The following NELL1 variants were observed in gnomAD, a reference collection of about 807,000 sequenced individuals.
NELL1 encodes the protein protein kinase C-binding protein NELL1.
NELL1 carries 76 observed loss-of-function variants against 107.4 expected under a neutral mutation model. The ratio of observed to expected loss-of-function variants is 0.71; its 90% CI spans 0.59 to 0.86. The LOEUF is 0.86. Ranked by LOEUF, NELL1 falls within the 40% of genes least tolerant of loss-of-function variation. NELL1 has a pLI of 0.00. For missense variants in NELL1, 1,024 were observed against 1,005.5 expected, an observed-to-expected ratio of 1.02 and a Z score of -0.25; for synonymous variants, 353 against 341.2, an observed-to-expected ratio of 1.03 and a Z score of -0.38.
chr11:21,379,607 A>C (rs1169333831), intron 15 of NELL1, among the ~76,000 whole-genome samples: 2 of 152,164 alleles, frequency 1.3e-5, no homozygotes, highest in African/African-American at 4.8e-5. Flanking sequence ...TTGTAATAAC[A>C]AATGATTTTT....
At chr11:20,682,617 C>T (rs1358366167) in intron 2 of NELL1, among the ~76,000 whole-genome samples, 1 of 151,914 alleles carries the variant, frequency 6.6e-6, no homozygotes, top group Non-Finnish European at 1.5e-5. Flanking sequence ...ACTGTGTATT[C>T]AAAATATACA....
chr11:20,960,565 G>A lies in NELL1; in HGVS notation c.1300+5G>A. ...GAGACTCTGCCTACTGTGAAGGTAA[G>A]TAAGCTATTTAATGAAGTCACTTGT... is the stretch of plus-strand genomic sequence containing the variant. On this transcript the variant is annotated splice_donor_5th_base_variant and intron_variant, in intron 12 of 19. Transcript: ENST00000357134. 6.2e-7 allele frequency: 1 copy of A among 1,613,780 alleles called. No individual in the cohort carries two copies. The highest frequency in any genetic ancestry group is 8.5e-7 in the Non-Finnish European group (1 of 1,179,752).
chr11:20,874,424 A>G (rs1849264687), intron 4 of NELL1, among the ~76,000 whole-genome samples: 2 of 152,208 alleles, frequency 1.3e-5, no homozygotes, highest in Admixed American at 1.3e-4. Flanking sequence ...GCATGGCAGA[A>G]GTTTACACCT....
Position 21,553,534 on chromosome 11 carries a change from A to C in NELL1, c.1787-6655A>C, listed in dbSNP as rs146480760. 4.6e-5 allele frequency among the ~76,000 whole-genome samples: 7 copies of C among 151,986 alleles called. No individual in the cohort carries two copies. The East Asian group carries it at 1.4e-3, about 30-fold the overall frequency. On this transcript the variant is annotated intron_variant, in intron 16 of 19. Coordinates refer to ENST00000357134, the MANE Select transcript of NELL1 (RefSeq NM_006157.5). Reference sequence around the variant, plus strand: ...TTACAAGCTCAGCCTTACAGAGGTGAAAAGTAATCATATCAAATTGGAAAT... The same window carrying C: ...TTACAAGCTCAGCCTTACAGAGGTGCAAAGTAATCATATCAAATTGGAAAT...
intron 15 of NELL1, among the ~76,000 whole-genome samples, chr11:21,455,320 C>CT (rs34607165): frequency 0.15 from 11,323 of 77,184 alleles, 904 homozygotes; most frequent in Non-Finnish European, 0.18. Flanking sequence ...TTCTTTTATT[C>CT]TTTTTTTTTT....
intron 13 of NELL1, among the ~76,000 whole-genome samples, chr11:21,214,528 A>T (rs1050078726): frequency 4.6e-5 from 7 of 152,174 alleles, no homozygotes; most frequent in Non-Finnish European, 1.0e-4. Context: ...TAAAACAAAA[A>T]ATAGTGACAA....
intron 2 of NELL1, among the ~76,000 whole-genome samples, chr11:20,717,434 C>T (rs1855278849): frequency 6.6e-6 from 1 of 152,054 alleles, no homozygotes. Flanking sequence ...CCTGGAAGAC[C>T]TCTTTGTCTT....
intron 13 of NELL1, among the ~76,000 whole-genome samples, chr11:21,204,763 G>T (rs140378293): frequency 6.6e-6 from 1 of 151,986 alleles, no homozygotes; most frequent in Admixed American, 6.6e-5. Context: ...ATCTACCTTT[G>T]TTCTTTGATG....
chr11:21,454,816 T>C (rs1440986084), intron 15 of NELL1, among the ~76,000 whole-genome samples: 5 of 152,240 alleles, frequency 3.3e-5, no homozygotes, highest in Admixed American at 3.3e-4. Flanking sequence ...GGGACACTAA[T>C]TTCACCATGG....
At chr11:21,423,799 G>A (rs1295351748) in intron 15 of NELL1, among the ~76,000 whole-genome samples, 1 of 152,186 alleles carries the variant, frequency 6.6e-6, no homozygotes. Flanking sequence ...ACAGGATGAA[G>A]TCAGAAATGA....
intron 16 of NELL1, among the ~76,000 whole-genome samples, chr11:21,546,496 G>A (rs1856446002): frequency 6.6e-6 from 1 of 151,958 alleles, no homozygotes; most frequent in Non-Finnish European, 1.5e-5. Context: ...GGGAACCAGT[G>A]GGAGGTAACT....
chr11:21,377,175 G>A (rs1851500618), intron 15 of NELL1, among the ~76,000 whole-genome samples: 1 of 152,074 alleles, frequency 6.6e-6, no homozygotes, highest in Non-Finnish European at 1.5e-5. Flanking sequence ...GATGTTGGCT[G>A]TGGATTTGTC....
chr11:21,159,667 G>A (rs183666552), intron 13 of NELL1, among the ~76,000 whole-genome samples: 3 of 152,338 alleles, frequency 2.0e-5, no homozygotes, highest in Non-Finnish European at 4.4e-5. Flanking sequence ...AGCTATCTGG[G>A]TGTAGGGAGA....
chr11:21,467,603 T>G (rs945350005), intron 15 of NELL1, among the ~76,000 whole-genome samples: 1 of 152,086 alleles, frequency 6.6e-6, no homozygotes, highest in Non-Finnish European at 1.5e-5. Context: ...ATGCTCAGCC[T>G]TTTACATACT....
At chr11:21,452,049 G>A (rs1187590454) in intron 15 of NELL1, among the ~76,000 whole-genome samples, 3 of 152,060 alleles carry the variant, frequency 2.0e-5, no homozygotes, top group Admixed American at 2.0e-4. Context: ...GAACACTTTC[G>A]CAGTCTCACA....
At chr11:20,982,584 A>C (rs1411286357) in intron 12 of NELL1, among the ~76,000 whole-genome samples, 1 of 152,222 alleles carries the variant, frequency 6.6e-6, no homozygotes, top group Non-Finnish European at 1.5e-5. Flanking sequence ...GTAGTGAGAT[A>C]TAGGATGTTA....
At chr11:20,777,939 T>G (rs1856781044) in intron 2 of NELL1, among the ~76,000 whole-genome samples, 1 of 152,224 alleles carries the variant, frequency 6.6e-6, no homozygotes, top group African/African-American at 2.4e-5. Flanking sequence ...GTGGTACCCC[T>G]TGGCCAATCA....
At chr11:21,186,460 A>G (rs1856937785) in intron 13 of NELL1, among the ~76,000 whole-genome samples, 1 of 151,834 alleles carries the variant, frequency 6.6e-6, no homozygotes, top group African/African-American at 2.4e-5. Context: ...TGGTAAACTT[A>G]TAGGTCTTGA....
intron 16 of NELL1, among the ~76,000 whole-genome samples, chr11:21,543,559 T>A (rs1357972697): frequency 6.6e-6 from 1 of 151,918 alleles, no homozygotes. Flanking sequence ...AAAAGAAAGC[T>A]CTTCTGGGTC....
Sources: allele counts gnomAD v4.1 joint callset (sites outside exome capture counted in the v4.1 genomes callset), GRCh38; gene constraint gnomAD v4.1.1; transcripts MANE v1.5; gene names NCBI Gene and HGNC (gene_info 2026-07-23, HGNC 2026-07-21).